ZNF430: variants seen among roughly 807,000 people sequenced by gnomAD.
The protein encoded by ZNF430 is zinc finger protein 430.
In ZNF430, 35 loss-of-function variants were observed where a neutral mutation model predicts 56.7. The observed-to-expected ratio is 0.62, with a 90% CI of 0.47 to 0.82. The LOEUF is 0.82. Ranked by LOEUF, ZNF430 falls within the 40% of genes least tolerant of loss-of-function variation. The pLI is 0.00. For missense variants in ZNF430, 574 were observed against 661.0 expected (o/e 0.87, Z 1.44); for synonymous variants, 212 against 224.3 (o/e 0.94, Z 0.49).
intron 4 of ZNF430, among the ~76,000 whole-genome samples, chr19:21,050,582 A>G (rs12609167): frequency 0.69 from 104,983 of 152,100 alleles, 40,188 homozygotes; most frequent in East Asian, 0.87. Context: ...TTCAATATCT[A>G]TTGTGAATCT....
Position 21,053,602 on chromosome 19 carries a change from C to T in ZNF430, c.323-3029C>T, listed in dbSNP as rs533816624. ...AGAGATGAGATTTCACCATGTTGGCCAGGCTGGTCTCAAACTCCTGACCTC... is the reference window on the plus strand; with the variant it reads ...AGAGATGAGATTTCACCATGTTGGCTAGGCTGGTCTCAAACTCCTGACCTC... On this transcript the variant is annotated intron_variant, in intron 4 of 4. Transcript: ENST00000261560. 2.6e-5 allele frequency: 4 copies of T among 152,346 alleles called. No homozygotes were observed. In the South Asian group the frequency reaches 8.3e-4, roughly 32 times the overall value. 9.4% of individuals were successfully genotyped at this position (152,346 alleles called of 1,614,324 possible).
Position 21,057,086 on chromosome 19 carries a change from C to T in ZNF430, c.778C>T (p.Pro260Ser). Residue 260 changes from proline to serine, a missense_variant, in exon 5 of 5, where the codon CCC becomes TCC. Physicochemically the swap from Pro to Ser is moderately conservative, Grantham distance 74. Coordinates refer to ENST00000261560, the MANE Select transcript of ZNF430 (RefSeq NM_025189.4). ...CAGAAGAATTCATACTGGAGAGAAA[C>T]CCTACAAATGTGAACAATGTGGCAA... ...RHRRIHTGEK[P>S]YKCEQCGKAF... The T allele has an allele frequency of 1.2e-6, 2 of 1,614,052 alleles. No individual in the cohort carries two copies. Among genetic ancestry groups the T allele is most frequent in the East Asian group, 2.2e-5 (1 of 44,864 alleles).
chr19:21,022,922 G>A (rs1307910812), intron 2 of ZNF430, 41 bp downstream of exon 2: 1 of 1,426,736 alleles, frequency 7.0e-7, no homozygotes, highest in Non-Finnish European at 9.9e-7. Flanking sequence ...ACCCAACCCA[G>A]CTTTCATTTC....
Position 21,056,781 on chromosome 19 carries a change from A to C in ZNF430, c.473A>C (p.His158Pro), listed in dbSNP as rs749179163. The change falls in exon 5 of 5, where the codon CAC (histidine) becomes CCC (proline). Residue 158 changes from histidine to proline, a missense_variant. This residue lies in a region of ZNF430 where 346 missense variants were observed against 399.1 expected (regional missense o/e 0.87). Coordinates refer to ENST00000261560, the MANE Select transcript of ZNF430 (RefSeq NM_025189.4). ...AAAAGTGTGGATGAGTGTAATCTGC[A>C]CAAAGAATGTTATGATGAACTAAAC... Reference protein sequence around the residue: ...GCKSVDECNLHKECYDELNQC... With the variant: ...GCKSVDECNLPKECYDELNQC... 9.9e-6 allele frequency: 16 copies of C among 1,613,956 alleles called. No homozygotes were observed. The highest frequency in any genetic ancestry group is 3.3e-5 in the Admixed American group (2 of 59,990).
Position 21,058,296 on chromosome 19 carries a change from T to C in ZNF430, c.*275T>C, listed in dbSNP as rs1205196972. 5.6e-6 allele frequency: 2 copies of C among 357,598 alleles called. No individual in the cohort carries two copies. The highest frequency in any genetic ancestry group is 1.0e-5 in the Non-Finnish European group (2 of 193,994). The allele number at this position is 357,598 out of a possible 1,614,324, so 22.2% of individuals were successfully genotyped here. A position where few individuals can be genotyped will look rare whatever the true frequency, so the allele number is the denominator to read the frequency against. On this transcript the variant is annotated 3_prime_UTR_variant, in exon 5 of 5. Coordinates refer to ENST00000261560, the MANE Select transcript of ZNF430 (RefSeq NM_025189.4). ...CCTGTCTCTACTAAAAATACAAAATTAGCCATGCGTAGTGGTGCATGCCTG... is the reference window on the plus strand; with the variant it reads ...CCTGTCTCTACTAAAAATACAAAATCAGCCATGCGTAGTGGTGCATGCCTG...
Position 21,057,716 on chromosome 19 carries a change from C to A in ZNF430, c.1408C>A (p.Pro470Thr). 6.4e-7 allele frequency: 1 copy of A among 1,568,078 alleles called. No individual in the cohort carries two copies. Among genetic ancestry groups the A allele is most frequent in the Non-Finnish European group, 8.6e-7 (1 of 1,157,894 alleles). The change falls in exon 5 of 5, where the codon CCA (proline) becomes ACA (threonine). Residue 470 changes from proline (P) to threonine (T), a missense_variant. This residue lies in a region of ZNF430 where 213 missense variants were observed against 221.0 expected (regional missense o/e 0.96). Transcript: ENST00000261560. ...ATGTGGCAAAGCCTTTAACCGGTCC[C>A]CAAAACTTACTGCACATAAGGTAAT... ...EECGKAFNRS[P>T]KLTAHKVIHS...
At chr19:21,032,763 C>T (rs1336162133) in intron 2 of ZNF430, among the ~76,000 whole-genome samples, 1 of 151,920 alleles carries the variant, frequency 6.6e-6, no homozygotes, top group Non-Finnish European at 1.5e-5. Flanking sequence ...TTTAGAAGTT[C>T]AGACTTTACT....
intron 1 of ZNF430, among the ~76,000 whole-genome samples, chr19:21,022,058 G>C (rs950075644): frequency 6.6e-6 from 1 of 151,980 alleles, no homozygotes; most frequent in African/African-American, 2.4e-5. Context: ...GGCTGGCCTC[G>C]AACTCTTGAC....
intron 4 of ZNF430, among the ~76,000 whole-genome samples, chr19:21,038,108 T>A (rs1411237513): frequency 6.6e-6 from 1 of 152,176 alleles, no homozygotes; most frequent in East Asian, 1.9e-4. Flanking sequence ...TAGTGTCTTA[T>A]CTAAGAAAAT....
chr19:21,044,196 C>T (rs765438206), intron 4 of ZNF430, among the ~76,000 whole-genome samples: 21 of 151,934 alleles, frequency 1.4e-4, no homozygotes, highest in African/African-American at 2.4e-4. Context: ...TTTGCCCTTT[C>T]GGTATGATAC....
intron 4 of ZNF430, among the ~76,000 whole-genome samples, chr19:21,037,363 C>T (rs1968021118): frequency 6.6e-6 from 1 of 152,128 alleles, no homozygotes; most frequent in South Asian, 2.1e-4. Flanking sequence ...GGTGATCTGC[C>T]ATCCTCGGCC....
chr19:21,045,143 C>G (rs1968166978), intron 4 of ZNF430, among the ~76,000 whole-genome samples: 1 of 152,032 alleles, frequency 6.6e-6, no homozygotes, highest in Admixed American at 6.6e-5. Flanking sequence ...TCTTGATTCT[C>G]TTGTTCTTTT....
Position 21,033,484 on chromosome 19 carries a change from T to C in ZNF430, c.125T>C (p.Ile42Thr). ...KGPLTFRDVAIEFSLEEWQCL... is the reference protein window; with the variant it reads ...KGPLTFRDVATEFSLEEWQCL... ...CCATTGACATTTAGGGATGTGGCCA[T>C]AGAATTTTCTCTGGAGGAGTGGCAA... Residue 42 changes from isoleucine to threonine, a missense_variant, in exon 3 of 5, where the codon ATA becomes ACA. By Grantham distance (89) the Ile-to-Thr change is moderately conservative (BLOSUM62 -1). Transcript: ENST00000261560. The C allele has an allele frequency of 6.2e-7, 1 of 1,611,530 alleles. No homozygotes were observed. Among genetic ancestry groups the C allele is most frequent in the Non-Finnish European group, 8.5e-7 (1 of 1,178,724 alleles).
chr19:21,045,067 A>G lies in ZNF430; in HGVS notation c.322+10883A>G, dbSNP rs1208862010. 3.9e-5 allele frequency among the ~76,000 whole-genome samples: 6 copies of G among 151,906 alleles called. No homozygotes were observed. The East Asian group carries it at 1.2e-3, about 29-fold the overall frequency. ...TTTTTGAAGGGTTTTTTGTGTCTCT[A>G]TCTCTTTCAGTTTCACTTGGATTCT... is the stretch of plus-strand genomic sequence containing the variant. On this transcript the variant is annotated intron_variant, in intron 4 of 4. Coordinates refer to ENST00000261560, the MANE Select transcript of ZNF430 (RefSeq NM_025189.4).
chr19:21,021,823 ATTTTTTTTTTTTTT>A (rs71174785), intron 1 of ZNF430, among the ~76,000 whole-genome samples: 2 of 85,726 alleles, frequency 2.3e-5, no homozygotes, highest in Non-Finnish European at 2.2e-5. Flanking sequence ...CCTGAGTTAG[ATTTTTTTTTTTTTT>A]TTTTTTTTTT....
intron 2 of ZNF430, among the ~76,000 whole-genome samples, chr19:21,028,118 G>A (rs952519213): frequency 1.3e-5 from 2 of 152,108 alleles, no homozygotes; most frequent in Non-Finnish European, 2.9e-5. Flanking sequence ...ACAGGACACG[G>A]CCAGACTTTA....
intron 4 of ZNF430, among the ~76,000 whole-genome samples, chr19:21,043,242 T>C (rs541048761): frequency 6.6e-6 from 1 of 152,246 alleles, no homozygotes; most frequent in Non-Finnish European, 1.5e-5. Flanking sequence ...CTAACGTTTT[T>C]ATAGTTTTTG....
intron 4 of ZNF430, chr19:21,036,097 GTTA>G (rs1967994453): frequency 6.6e-6 from 1 of 152,030 alleles, no homozygotes; most frequent in Non-Finnish European, 1.5e-5. Flanking sequence ...TTAACATTGA[GTTA>G]TTGTGTTTTT....
chr19:21,040,680 G>A (rs1968086307), intron 4 of ZNF430, among the ~76,000 whole-genome samples: 1 of 152,060 alleles, frequency 6.6e-6, no homozygotes, highest in Non-Finnish European at 1.5e-5. Context: ...AGTCTATAAT[G>A]TTGTCTGTTT....
Sources: allele counts gnomAD v4.1 joint callset (sites outside exome capture counted in the v4.1 genomes callset), GRCh38; gene constraint gnomAD v4.1.1; regional missense constraint gnomAD v4.1.1; transcripts MANE v1.5; gene names NCBI Gene and HGNC (gene_info 2026-07-23, HGNC 2026-07-21).